The following SPATA6L variants were observed in gnomAD, a reference collection of about 807,000 sequenced individuals.
SPATA6L encodes the protein spermatogenesis associated 6-like protein.
In SPATA6L, 68 loss-of-function variants were observed where a neutral mutation model predicts 49.2. The ratio of observed to expected loss-of-function variants is 1.38; its 90% CI spans 1.14 to 1.69. The LOEUF (loss-of-function observed/expected upper bound fraction) is 1.69, where lower values mean the gene tolerates loss of function less well. SPATA6L is among the 40% of genes most tolerant of loss of function. The pLI is 0.00. For missense variants in SPATA6L, 668 were observed against 464.3 expected, an observed-to-expected ratio of 1.44 and a Z score of -4.03; for synonymous variants, 198 against 165.7, an observed-to-expected ratio of 1.19 and a Z score of -1.50.
At chr9:4,656,204 C>T (rs1034426174) in intron 2 of SPATA6L, 115 bp from the exon 3 acceptor site, 13 of 773,794 alleles carry the variant, frequency 1.7e-5, no homozygotes, top group African/African-American at 8.9e-5. Context: ...TTTGGGAGGC[C>T]GAGGTGGGTG....
chr9:4,666,031 A>C (rs995014832), intron 1 of SPATA6L, among the ~76,000 whole-genome samples, 181 bp downstream of exon 1: 1 of 150,858 alleles, frequency 6.6e-6, no homozygotes, highest in Non-Finnish European at 1.5e-5. Flanking sequence ...GTGGAGCTGA[A>C]TTAAAGGTTA....
At chr9:4,597,509 T>C (rs961684286), downstream of SPATA6L, among the ~76,000 whole-genome samples, 3 of 152,178 alleles carry the variant, frequency 2.0e-5, no homozygotes, top group African/African-American at 4.8e-5. Flanking sequence ...AAAGGACCCA[T>C]CTGCACCATG....
At chr9:4,612,830 G>A (rs1827090271) in intron 9 of SPATA6L, among the ~76,000 whole-genome samples, 1 of 152,114 alleles carries the variant, frequency 6.6e-6, no homozygotes, top group South Asian at 2.1e-4. Flanking sequence ...GGAGGGGGAT[G>A]GTTACCAAAT....
chr9:4,627,567 T>C, intron 5 of SPATA6L: 1 of 388,104 alleles, frequency 2.6e-6, no homozygotes, highest in Non-Finnish European at 4.7e-6. Context: ...TGGAGAAGCT[T>C]CACAAACTAC....
chr9:4,664,998 G>T (rs1372068163), intron 1 of SPATA6L: 2 of 167,102 alleles, frequency 1.2e-5, no homozygotes, highest in East Asian at 1.9e-4. Flanking sequence ...GGAAGCAAAT[G>T]ATATTTCCTC....
chr9:4,605,741 C>G (rs888202499), intron 9 of SPATA6L, among the ~76,000 whole-genome samples: 3 of 145,420 alleles, frequency 2.1e-5, no homozygotes, highest in African/African-American at 8.6e-5. Context: ...ACAAACCCTA[C>G]TTTTACATTT....
Position 4,666,381 on chromosome 9 carries a change from T to G in SPATA6L, c.-131A>C. ...AAGCTTCCCCAGTCCCACGCCCTTGTTCCCCTACCGTCCCCCCCAGCCCAG... is the reference window on the plus strand; with the variant it reads ...AAGCTTCCCCAGTCCCACGCCCTTGGTCCCCTACCGTCCCCCCCAGCCCAG... On this transcript the variant is annotated 5_prime_UTR_variant, in exon 1 of 12. Transcript: ENST00000682582. 1 of 943,994 alleles carries G rather than the reference T, an allele frequency of 1.1e-6. No homozygotes were observed. Among genetic ancestry groups the G allele is most frequent in the African/African-American group, 1.6e-5 (1 of 61,960 alleles). The allele number at this position is 943,994 out of a possible 1,614,324, so 58.5% of individuals were successfully genotyped here.
chr9:4,633,815 C>A (rs1832174399), intron 4 of SPATA6L: 1 of 152,144 alleles, frequency 6.6e-6, no homozygotes, highest in Non-Finnish European at 1.5e-5. Flanking sequence ...CCTCCAAAAA[C>A]CATTGCTATG....
At chr9:4,651,132 A>C (rs1293174796) in intron 3 of SPATA6L, among the ~76,000 whole-genome samples, 2 of 152,164 alleles carry the variant, frequency 1.3e-5, no homozygotes, top group Non-Finnish European at 2.9e-5. Flanking sequence ...CCTCCTGAGA[A>C]GCAAATACCA....
rs1463636553 is a variant in SPATA6L at position 4,605,550 on chromosome 9, C to T, written c.996-110G>A. On this transcript the variant is annotated intron_variant, in intron 9 of 11. Coordinates refer to ENST00000682582, the MANE Select transcript of SPATA6L (RefSeq NM_001353486.2). ...AAAACTTAATTATAATAAAAAACAG[C>T]AGCATGCAAAATGGTAAACATAGTG... The T allele has an allele frequency of 7.1e-6, 5 of 704,774 alleles. No homozygotes were observed. The South Asian group carries it at 9.5e-5, about 13-fold the overall frequency. 43.7% of individuals were successfully genotyped at this position (704,774 alleles called of 1,614,324 possible).
chr9:4,607,038 G>C (rs1234514620), intron 9 of SPATA6L, among the ~76,000 whole-genome samples: 1 of 150,614 alleles, frequency 6.6e-6, no homozygotes, highest in Non-Finnish European at 1.5e-5. Flanking sequence ...GGAAGAAAGG[G>C]TATCAGCGAT....
intron 5 of SPATA6L, chr9:4,626,634 C>G: frequency 8.9e-7 from 1 of 1,125,644 alleles, no homozygotes; most frequent in South Asian, 1.5e-5. Context: ...TCTTTCAACC[C>G]CTGTTTAGCC....
At position 4,625,535 on chromosome 9, in the gene SPATA6L, G is replaced by C. The variant is rs770270499; in HGVS notation, c.461C>G (p.Ser154Cys). 7.5e-6 allele frequency: 12 copies of C among 1,593,824 alleles called. No homozygotes were observed. The South Asian group carries it at 1.3e-4, about 17-fold the overall frequency. ...GGGAAATATTGGTTCATGTGATGTA[G>C]ATAAAGGCCTCCGTGACTCATGTCT... ...EERHESRRPLSTSHEPIFPLN... is the reference protein window; with the variant it reads ...EERHESRRPLCTSHEPIFPLN... Residue 154 changes from serine (S) to cysteine (C), a missense_variant, in exon 6 of 12, where the codon TCT (serine) becomes TGT (cysteine). Physicochemically the swap from Ser to Cys is moderately radical, Grantham distance 112. Coordinates refer to ENST00000682582, the MANE Select transcript of SPATA6L (RefSeq NM_001353486.2).
At chr9:4,615,088 A>G (rs978833561) in intron 9 of SPATA6L, among the ~76,000 whole-genome samples, 2 of 152,056 alleles carry the variant, frequency 1.3e-5, no homozygotes, top group Non-Finnish European at 2.9e-5. Flanking sequence ...CCCACCTGCC[A>G]TCACTCACCT....
chr9:4,644,719 A>C (rs1361522813), intron 3 of SPATA6L, among the ~76,000 whole-genome samples: 1 of 147,740 alleles, frequency 6.8e-6, no homozygotes, highest in African/African-American at 2.6e-5. Context: ...ACACACACAC[A>C]CACACTTCTA....
intron 3 of SPATA6L, among the ~76,000 whole-genome samples, chr9:4,652,226 G>C (rs1184302532): frequency 6.6e-6 from 1 of 151,964 alleles, no homozygotes; most frequent in African/African-American, 2.4e-5. Flanking sequence ...TTCAAGATCA[G>C]CCTGACAAAC....
At position 4,599,178 on chromosome 9, in the gene SPATA6L, C is replaced by A. The variant is rs2200389; in HGVS notation, c.*1633G>T. ...AGTTTCGAATGCATTTGACTGCACC[C>A]TGCCACATGCAGTCAGATGTGGAAT... On this transcript the variant is annotated 3_prime_UTR_variant, in exon 12 of 12. Transcript: ENST00000682582. Among the ~76,000 whole-genome samples the A allele has an allele frequency of 0.59, 89,776 of 152,014 alleles. 28,319 individuals are homozygous for A. Among genetic ancestry groups the A allele is most frequent in the Middle Eastern group, 0.74 (217 of 294 alleles).
At chr9:4,661,774 G>A (rs1839830309) in intron 2 of SPATA6L, 125 bp downstream of exon 2, 1 of 964,784 alleles carries the variant, frequency 1.0e-6, no homozygotes, top group Non-Finnish European at 1.4e-6. Context: ...GCATTGTGCT[G>A]AAGTGCTTTC....
At chr9:4,597,058 C>T (rs1822318248), downstream of SPATA6L, among the ~76,000 whole-genome samples, 2 of 152,246 alleles carry the variant, frequency 1.3e-5, no homozygotes, top group South Asian at 2.1e-4. Context: ...TAGACAGATA[C>T]TATTATTACC....
Sources: gnomAD v4.1 joint callset for allele counts (sites outside exome capture counted in the v4.1 genomes callset) on GRCh38, gnomAD v4.1.1 for gene constraint, MANE v1.5 for transcripts, NCBI Gene and HGNC (gene_info 2026-07-23, HGNC 2026-07-21) for gene names.